Variants in BCL2 observed in about 807,000 individuals in gnomAD.
BCL2 encodes BCL2 apoptosis regulator, also known as apoptosis regulator Bcl-2.
BCL2 carries 1 observed loss-of-function variant against 14.2 expected under a neutral mutation model. The ratio of observed to expected loss-of-function variants is 0.07; its 90% confidence interval spans 0.02 to 0.33. The LOEUF is 0.33. BCL2 is among the 10% of genes least tolerant of loss of function. BCL2 has a pLI of 0.99. For missense variants in BCL2, 247 were observed against 305.9 expected (o/e 0.81, Z 1.44); for synonymous variants, 151 against 137.2 (o/e 1.10, Z -0.70).
chr18:63,305,704 T>G (rs1458967066), intron 2 of BCL2, among the ~76,000 whole-genome samples: 1 of 152,202 alleles, frequency 6.6e-6, no homozygotes, highest in Non-Finnish European at 1.5e-5. Context: ...TAATAAAGAT[T>G]TATCACACGG....
intron 2 of BCL2, among the ~76,000 whole-genome samples, chr18:63,239,566 AC>A (rs1334638649): frequency 6.6e-6 from 1 of 152,004 alleles, no homozygotes. Context: ...ACATGGTGAA[AC>A]CCCGTCTCTA....
chr18:63,132,644 A>T (rs1441079966), intron 2 of BCL2, among the ~76,000 whole-genome samples: 1 of 152,204 alleles, frequency 6.6e-6, no homozygotes, highest in Non-Finnish European at 1.5e-5. Flanking sequence ...GCCCTTCTAC[A>T]ATTCCAAAGT....
chr18:63,272,572 A>C (rs949939321), intron 2 of BCL2, among the ~76,000 whole-genome samples: 4 of 152,216 alleles, frequency 2.6e-5, no homozygotes, highest in African/African-American at 9.6e-5. Context: ...CTCAAAGAAA[A>C]AAGGGAGATA....
chr18:63,303,623 C>T (rs966671727), intron 2 of BCL2, among the ~76,000 whole-genome samples: 2 of 152,118 alleles, frequency 1.3e-5, no homozygotes, highest in Non-Finnish European at 2.9e-5. Context: ...CAGGCAAAGT[C>T]AATTGACTTT....
In BCL2 at chr18:63,211,772, C is replaced by A. The variant is rs575155328; in HGVS notation, c.586-83013G>T. 1.3e-5 allele frequency among the ~76,000 whole-genome samples: 2 copies of A among 152,330 alleles called. 1 individual carries two copies. Among genetic ancestry groups the A allele is most frequent in the South Asian group, 4.1e-4 (2 of 4,828 alleles). ...ACTGTGGCTGCAAGCTGTGTCTCAC[C>A]ACAGCTAACGCCAGTGCAGAGGAGC... is the stretch of plus-strand genomic sequence containing the variant. On this transcript the variant is annotated intron_variant, in intron 2 of 2. Coordinates refer to ENST00000333681, the MANE Select transcript of BCL2 (RefSeq NM_000633.3).
intron 2 of BCL2, among the ~76,000 whole-genome samples, chr18:63,176,289 T>C (rs1480449461): frequency 6.6e-6 from 1 of 152,198 alleles, no homozygotes; most frequent in Non-Finnish European, 1.5e-5. Context: ...CTCTGGCCAG[T>C]CCTTTCTGAC....
At chr18:63,213,736 G>A (rs1046350965) in intron 2 of BCL2, among the ~76,000 whole-genome samples, 1 of 152,110 alleles carries the variant, frequency 6.6e-6, no homozygotes, top group African/African-American at 2.4e-5. Context: ...TTGTTCTCCT[G>A]ACAGCTCTGT....
intron 2 of BCL2, among the ~76,000 whole-genome samples, chr18:63,147,346 G>A (rs1914539485): frequency 6.6e-6 from 1 of 152,222 alleles, no homozygotes; most frequent in African/African-American, 2.4e-5. Context: ...AAAGCAGGGA[G>A]GATGAAAAGG....
At chr18:63,238,492 G>A (rs1295754207) in intron 2 of BCL2, among the ~76,000 whole-genome samples, 2 of 152,196 alleles carry the variant, frequency 1.3e-5, no homozygotes, top group Non-Finnish European at 2.9e-5. Context: ...CCATAACAAC[G>A]GGGTGAAGTA....
chr18:63,284,496 ACT>A (rs1912408225), intron 2 of BCL2, among the ~76,000 whole-genome samples: 1 of 151,676 alleles, frequency 6.6e-6, no homozygotes, highest in African/African-American at 2.4e-5. Flanking sequence ...AGGTAGAGAG[ACT>A]CTTCCTGGGG....
intron 2 of BCL2, among the ~76,000 whole-genome samples, chr18:63,281,673 A>C (rs571565460): frequency 1.4e-3 from 25 of 18,050 alleles, no homozygotes; most frequent in Non-Finnish European, 3.3e-3. Flanking sequence ...TCTCAGAAAG[A>C]AAGAAAGAAA....
At chr18:63,251,802 G>A (rs1471883446) in intron 2 of BCL2, among the ~76,000 whole-genome samples, 10 of 151,098 alleles carry the variant, frequency 6.6e-5, no homozygotes, top group African/African-American at 2.2e-4. Flanking sequence ...GGGTTCAAGC[G>A]ATTCTCCTGC....
intron 2 of BCL2, among the ~76,000 whole-genome samples, chr18:63,205,228 T>C (rs1184256270): frequency 6.6e-6 from 1 of 152,246 alleles, no homozygotes; most frequent in African/African-American, 2.4e-5. Flanking sequence ...AGCCTTCCTT[T>C]GAACCGGAAT....
chr18:63,230,008 A>G (rs1910648478), intron 2 of BCL2, among the ~76,000 whole-genome samples: 1 of 152,160 alleles, frequency 6.6e-6, no homozygotes, highest in Admixed American at 6.5e-5. Flanking sequence ...AAAAGATTTA[A>G]TATTGAAATA....
chr18:63,128,735 G>A lies in BCL2; in HGVS notation c.610C>T (p.Pro204Ser). The change falls in exon 3 of 3, where the codon CCC becomes TCC. Residue 204 changes from proline to serine, a missense_variant. Coordinates refer to ENST00000333681, the MANE Select transcript of BCL2 (RefSeq NM_000633.3). Reference protein sequence around the residue: ...GWDAFVELYGPSMRPLFDFSW... With the variant: ...GWDAFVELYGSSMRPLFDFSW... Reference sequence around the variant, plus strand: ...AAATCAAACAGAGGCCGCATGCTGGGGCCGTACAGTTCCACAAAGGCATCC... The same window carrying A: ...AAATCAAACAGAGGCCGCATGCTGGAGCCGTACAGTTCCACAAAGGCATCC... 2.6e-6 allele frequency: 2 copies of A among 780,768 alleles called. No individual in the cohort carries two copies. Among genetic ancestry groups the A allele is most frequent in the Non-Finnish European group, 4.8e-6 (2 of 417,986 alleles). The allele number at this position is 780,768 out of a possible 1,614,324, so 48.4% of individuals were successfully genotyped here.
At chr18:63,313,328 G>A (rs1913395069) in intron 2 of BCL2, among the ~76,000 whole-genome samples, 1 of 152,204 alleles carries the variant, frequency 6.6e-6, no homozygotes. Context: ...CATTAATCCT[G>A]CTTAGACATC....
chr18:63,144,720 G>A (rs531903456), intron 2 of BCL2, among the ~76,000 whole-genome samples: 5 of 152,328 alleles, frequency 3.3e-5, no homozygotes, highest in African/African-American at 9.6e-5. Flanking sequence ...TCAGGGCAAG[G>A]AAGTGGCATG....
intron 2 of BCL2, among the ~76,000 whole-genome samples, chr18:63,271,419 C>A (rs1257439883): frequency 2.0e-5 from 3 of 152,052 alleles, no homozygotes; most frequent in South Asian, 4.1e-4. Flanking sequence ...GAACAGATGG[C>A]AAACAAGCAA....
chr18:63,284,371 G>C (rs1036758617), intron 2 of BCL2, among the ~76,000 whole-genome samples: 9 of 152,198 alleles, frequency 5.9e-5, no homozygotes, highest in African/African-American at 2.2e-4. Flanking sequence ...AGAAAAGAGA[G>C]GAAGTCACGT....
Sources: gnomAD v4.1 joint callset for allele counts (sites outside exome capture counted in the v4.1 genomes callset) on GRCh38, gnomAD v4.1.1 for gene constraint, MANE v1.5 for transcripts, NCBI Gene and HGNC (gene_info 2026-07-23, HGNC 2026-07-21) for gene names.